FBXO3: variants seen among roughly 807,000 people sequenced by gnomAD.
FBXO3 encodes F-box only protein 3.
Under a neutral mutation model 64.8 loss-of-function variants are expected in FBXO3, and 17 were observed. The ratio of observed to expected loss-of-function variants is 0.26; its 90% confidence interval spans 0.18 to 0.39. The LOEUF (loss-of-function observed/expected upper bound fraction) is 0.39, where lower values mean the gene tolerates loss of function less well. FBXO3 is among the 10% of genes least tolerant of loss of function. FBXO3 has a pLI of 1.00. For synonymous variants in FBXO3, 182 were observed against 201.6 expected (o/e 0.90, Z 0.82); for missense variants, 420 against 589.9 (o/e 0.71, Z 2.98).
At chr11:33,749,972 A>G (rs1484313922) in intron 8 of FBXO3, among the ~76,000 whole-genome samples, 2 of 151,726 alleles carry the variant, frequency 1.3e-5, no homozygotes, top group Non-Finnish European at 2.9e-5. Context: ...ATACTTATAT[A>G]TTACATAAAA....
chr11:33,754,865 T>C (rs2133603853), intron 5 of FBXO3, among the ~76,000 whole-genome samples: 1 of 101,334 alleles, frequency 9.9e-6, no homozygotes, highest in African/African-American at 3.7e-5. Context: ...ATGAAAAGCA[T>C]TTTCTTTTTT....
chr11:33,767,360 C>T (rs1366811459), intron 3 of FBXO3, among the ~76,000 whole-genome samples: 2 of 152,108 alleles, frequency 1.3e-5, no homozygotes, highest in Admixed American at 6.5e-5. Context: ...AGTGCAGTGG[C>T]GCGATCTCGG....
At position 33,742,009 on chromosome 11, in the gene FBXO3, A is replaced by G. The variant is rs1854698720; in HGVS notation, c.1315T>C (p.Ser439Pro). Residue 439 changes from serine (S) to proline (P), a missense_variant, in exon 11 of 11, where the codon TCA (serine) becomes CCA (proline). Ser to Pro is a moderately conservative substitution (Grantham distance 74). This residue lies in a region of FBXO3 where 57 missense variants were observed against 55.4 expected (regional missense o/e 1.03). Coordinates refer to ENST00000265651, the MANE Select transcript of FBXO3 (RefSeq NM_012175.4). ...TCATCTGATTCATCCATATCTGCTG[A>G]ATCATCATCCTCGTCTTCCTCCTCT... ...EEEEEDEDDDSADMDESDEDD... is the reference protein window; with the variant it reads ...EEEEEDEDDDPADMDESDEDD... 3 of 1,611,394 alleles carry G rather than the reference A, an allele frequency of 1.9e-6. No individual in the cohort carries two copies. Among genetic ancestry groups the G allele is most frequent in the Non-Finnish European group, 2.5e-6 (3 of 1,177,890 alleles).
chr11:33,750,792 G>A (rs777205329), intron 7 of FBXO3, 131 bp from the exon 8 acceptor site: 1 of 739,504 alleles, frequency 1.4e-6, no homozygotes, highest in Non-Finnish European at 2.1e-6. Context: ...ATAATATTTG[G>A]GTATAGTCCT....
At position 33,741,877 on chromosome 11, in the gene FBXO3, C is replaced by T; in HGVS notation, c.*31G>A. ...AGAAATCTATTTAACAGCCTAGAAT[C>T]ATCCTAGTGCTTCCATCAGCAGAAG... On this transcript the variant is annotated 3_prime_UTR_variant, in exon 11 of 11. Coordinates refer to ENST00000265651, the MANE Select transcript of FBXO3 (RefSeq NM_012175.4). The T allele has an allele frequency of 6.3e-7, 1 of 1,591,854 alleles. No homozygotes were observed. Among genetic ancestry groups the T allele is most frequent in the Non-Finnish European group, 8.5e-7 (1 of 1,170,000 alleles).
rs369413000 is a variant in FBXO3 at position 33,741,494 on chromosome 11, A to G, written c.*414T>C. On this transcript the variant is annotated 3_prime_UTR_variant, in exon 11 of 11. Coordinates refer to ENST00000265651, the MANE Select transcript of FBXO3 (RefSeq NM_012175.4). ...TAATTACAAATTTTGATCATTTCTA[A>G]ATAACTCACAACTGCAAGAAGTCTT... 3.0e-4 allele frequency: 46 copies of G among 153,616 alleles called. No individual in the cohort carries two copies. The highest frequency in any genetic ancestry group is 9.6e-4 in the African/African-American group (40 of 41,620). The allele number at this position is 153,616 out of a possible 1,614,324, so 9.5% of individuals were successfully genotyped here.
chr11:33,742,128 G>GT, intron 10 of FBXO3, 44 bp from the exon 11 acceptor site: 1 of 1,446,234 alleles, frequency 6.9e-7, no homozygotes, highest in Non-Finnish European at 9.1e-7. Context: ...GCATCTATCA[G>GT]TTTTTTAGTT....
intron 10 of FBXO3, chr11:33,746,753 A>G: frequency 7.0e-7 from 1 of 1,425,554 alleles, no homozygotes; most frequent in East Asian, 2.5e-5. Context: ...TTTTCTTTAT[A>G]ATGATCTTTA....
At chr11:33,762,691 C>A in intron 3 of FBXO3, among the ~76,000 whole-genome samples, 1 of 147,636 alleles carries the variant, frequency 6.8e-6, no homozygotes, top group Non-Finnish European at 1.5e-5. Flanking sequence ...ATAAGAAAGG[C>A]TGAAAATCTA....
chr11:33,751,412 A>G, intron 7 of FBXO3, 111 bp downstream of exon 7: 1 of 691,572 alleles, frequency 1.4e-6, no homozygotes. Context: ...CAACCTCAAT[A>G]GAGAGGTTCT....
At chr11:33,772,653 C>T (rs1312450955) in intron 1 of FBXO3, 1 of 152,222 alleles carries the variant, frequency 6.6e-6, no homozygotes, top group Non-Finnish European at 1.5e-5. Context: ...CTTCCTATTC[C>T]TTAACAGAGC....
chr11:33,744,875 G>C, intron 10 of FBXO3: 1 of 152,114 alleles, frequency 6.6e-6, no homozygotes, highest in Non-Finnish European at 1.5e-5. Flanking sequence ...ATCCACATAA[G>C]CAAGAATTCT....
chr11:33,752,247 A>G (rs1435794349), intron 6 of FBXO3, among the ~76,000 whole-genome samples: 1 of 152,198 alleles, frequency 6.6e-6, no homozygotes, highest in Non-Finnish European at 1.5e-5. Context: ...CAGACCATAT[A>G]TCTGTGATCT....
intron 3 of FBXO3, chr11:33,763,284 C>T (rs1855286881): frequency 2.2e-6 from 1 of 448,972 alleles, no homozygotes. Flanking sequence ...TTGATACCAA[C>T]ACCTGACAAG....
At chr11:33,755,020 C>T (rs1855060579) in intron 5 of FBXO3, among the ~76,000 whole-genome samples, 1 of 151,964 alleles carries the variant, frequency 6.6e-6, no homozygotes, top group Non-Finnish European at 1.5e-5. Context: ...CATGCGCCAC[C>T]ACACCTGGCT....
chr11:33,774,299 C>T (rs1374823867), intron 1 of FBXO3, 95 bp downstream of exon 1: 1 of 1,090,930 alleles, frequency 9.2e-7, no homozygotes, highest in African/African-American at 1.6e-5. Flanking sequence ...GTCGCGGAAG[C>T]TCGGGTCCTG....
chr11:33,758,408 C>T, intron 4 of FBXO3, 79 bp downstream of exon 4: 2 of 1,065,636 alleles, frequency 1.9e-6, no homozygotes, highest in Non-Finnish European at 2.7e-6. Flanking sequence ...TTAAGGGTAA[C>T]TACAAATACA....
At position 33,758,619 on chromosome 11, in the gene FBXO3, A is replaced by C; in HGVS notation, c.359-18T>G. 1 of 1,538,758 alleles carries C rather than the reference A, an allele frequency of 6.5e-7. No homozygotes were observed. On this transcript the variant is annotated intron_variant, in intron 3 of 10. Coordinates refer to ENST00000265651, the MANE Select transcript of FBXO3 (RefSeq NM_012175.4). ...AGCACCCTCTATAAAGGCACAAAAA[A>C]GAGTGAATTGTGAAGAAACAGCCTT...
chr11:33,768,926 C>G lies in FBXO3; in HGVS notation c.283G>C (p.Ala95Pro). 1 of 1,614,014 alleles carries G rather than the reference C, an allele frequency of 6.2e-7. No homozygotes were observed. The highest frequency in any genetic ancestry group is 1.7e-5 in the Admixed American group (1 of 60,010). The change falls in exon 3 of 11, where the codon GCT becomes CCT. Residue 95 changes from alanine to proline, a missense_variant. Coordinates refer to ENST00000265651, the MANE Select transcript of FBXO3 (RefSeq NM_012175.4). ...DVGRYIDHYAAIKKAWDDLKK... is the reference protein window; with the variant it reads ...DVGRYIDHYAPIKKAWDDLKK... ...AGATCATCCCAGGCCTTTTTAATAG[C>G]AGCATAATGGTCAATGTATCTTCCT...
Sources: allele counts gnomAD v4.1 joint callset (sites outside exome capture counted in the v4.1 genomes callset), GRCh38; gene constraint gnomAD v4.1.1; regional missense constraint gnomAD v4.1.1; transcripts MANE v1.5; gene names NCBI Gene and HGNC (gene_info 2026-07-23, HGNC 2026-07-21).